LSAMP: variants seen among roughly 807,000 people sequenced by gnomAD.
The protein encoded by LSAMP is limbic system-associated membrane protein.
In LSAMP, 7 loss-of-function variants were observed where a neutral mutation model predicts 38.6. The observed-to-expected ratio is 0.18, with a 90% confidence interval of 0.10 to 0.34. The LOEUF is 0.34. Ranked by LOEUF, LSAMP falls within the 10% of genes least tolerant of loss-of-function variation. The pLI is 1.00. For missense variants in LSAMP, 313 were observed against 420.0 expected, an observed-to-expected ratio of 0.75 and a Z score of 2.23; for synonymous variants, 154 against 166.8, an observed-to-expected ratio of 0.92 and a Z score of 0.59.
chr3:116,037,295 A>G (rs1034153739), intron 2 of LSAMP, among the ~76,000 whole-genome samples: 1 of 152,142 alleles, frequency 6.6e-6, no homozygotes, highest in Admixed American at 6.6e-5. Context: ...TTTAAGGCCA[A>G]CCAGGGAGGA....
intron 3 of LSAMP, among the ~76,000 whole-genome samples, chr3:115,887,035 A>T (rs1936472488): frequency 6.6e-6 from 1 of 151,982 alleles, no homozygotes; most frequent in Non-Finnish European, 1.5e-5. Context: ...GCAATAATTA[A>T]CATACAAGGC....
intron 1 of LSAMP, among the ~76,000 whole-genome samples, chr3:116,113,420 A>ATTTTTTTTT (rs374608044): frequency 3.3e-4 from 17 of 51,028 alleles, no homozygotes; most frequent in African/African-American, 1.2e-3. Context: ...ATATATATAT[A>ATTTTTTTTT]TTTTTTTTTT....
intron 1 of LSAMP, among the ~76,000 whole-genome samples, chr3:116,249,372 A>T (rs1474816121): frequency 1.4e-5 from 2 of 139,388 alleles, no homozygotes; most frequent in Non-Finnish European, 3.1e-5. Context: ...AGCTTTGGAG[A>T]CTAGTAGAAG....
intron 1 of LSAMP, among the ~76,000 whole-genome samples, chr3:116,118,733 TATTA>T (rs774440886): frequency 3.9e-5 from 6 of 152,168 alleles, no homozygotes; most frequent in Non-Finnish European, 8.8e-5. Context: ...AGGAGGTAAA[TATTA>T]ATTGAGTCTG....
chr3:116,161,985 A>G (rs542182317), intron 1 of LSAMP, among the ~76,000 whole-genome samples: 1 of 152,080 alleles, frequency 6.6e-6, no homozygotes, highest in South Asian at 2.1e-4. Context: ...AGAGTACATA[A>G]TCATGTCAAA....
At chr3:116,410,872 G>A (rs966364264) in intron 1 of LSAMP, among the ~76,000 whole-genome samples, 2 of 152,054 alleles carry the variant, frequency 1.3e-5, no homozygotes, top group African/African-American at 4.8e-5. Flanking sequence ...TTTTCATAGG[G>A]TCTTCTTTTT....
At chr3:116,349,009 C>T (rs1372087215) in intron 1 of LSAMP, among the ~76,000 whole-genome samples, 4 of 152,076 alleles carry the variant, frequency 2.6e-5, no homozygotes, top group Non-Finnish European at 4.4e-5. Context: ...CTTAGCTTCT[C>T]GGCAGACCTG....
intron 2 of LSAMP, among the ~76,000 whole-genome samples, chr3:116,084,086 G>A (rs1377421456): frequency 6.6e-6 from 1 of 152,070 alleles, no homozygotes; most frequent in Non-Finnish European, 1.5e-5. Context: ...TAAGCCTACA[G>A]AAAGCCTTTG....
intron 1 of LSAMP, among the ~76,000 whole-genome samples, chr3:116,430,571 C>A (rs2049267106): frequency 6.6e-6 from 1 of 151,996 alleles, no homozygotes; most frequent in Admixed American, 6.6e-5. Flanking sequence ...AGAAGAGAAA[C>A]TTGACATTTA....
chr3:116,400,384 C>G (rs989733524), intron 1 of LSAMP, among the ~76,000 whole-genome samples: 1 of 151,430 alleles, frequency 6.6e-6, no homozygotes, highest in Non-Finnish European at 1.5e-5. Flanking sequence ...TTTTTTCTCT[C>G]TTTGTCTTTC....
chr3:115,828,448 TC>T (rs1188586758), intron 6 of LSAMP, among the ~76,000 whole-genome samples: 2 of 152,206 alleles, frequency 1.3e-5, no homozygotes, highest in Non-Finnish European at 2.9e-5. Flanking sequence ...AGGAAGGACT[TC>T]CTTCCTGTCT....
intron 1 of LSAMP, among the ~76,000 whole-genome samples, chr3:116,400,352 C>T (rs2048822137): frequency 6.6e-6 from 1 of 151,852 alleles, no homozygotes; most frequent in Non-Finnish European, 1.5e-5. Flanking sequence ...ATCTTTCTTT[C>T]CTCTTTCTTT....
chr3:115,928,990 T>TG (rs1553750013), intron 3 of LSAMP, among the ~76,000 whole-genome samples: 2 of 144,754 alleles, frequency 1.4e-5, no homozygotes, highest in African/African-American at 5.2e-5. Context: ...TTTTTTTTTT[T>TG]GCTTGTTTTA....
intron 1 of LSAMP, among the ~76,000 whole-genome samples, chr3:116,168,231 T>A (rs1426317186): frequency 6.6e-6 from 1 of 150,420 alleles, no homozygotes; most frequent in African/African-American, 2.4e-5. Flanking sequence ...ATTATTATTT[T>A]TTTTTTACTG....
chr3:115,818,763 A>C (rs1934114122), intron 6 of LSAMP, among the ~76,000 whole-genome samples: 1 of 108,354 alleles, frequency 9.2e-6, no homozygotes, highest in African/African-American at 3.1e-5. Context: ...TTATATATAT[A>C]TATAAGAAAG....
At chr3:115,907,685 T>A (rs1937041302) in intron 3 of LSAMP, among the ~76,000 whole-genome samples, 1 of 152,156 alleles carries the variant, frequency 6.6e-6, no homozygotes, top group African/African-American at 2.4e-5. Flanking sequence ...CAAAAAGTAG[T>A]TCTCAAATAA....
chr3:115,849,966 C>T (rs974393314), intron 4 of LSAMP, among the ~76,000 whole-genome samples: 3 of 152,182 alleles, frequency 2.0e-5, no homozygotes, highest in Non-Finnish European at 4.4e-5. Context: ...TACACATTTA[C>T]TGAGCAATTT....
In LSAMP at chr3:116,261,138, C is replaced by T. The variant is rs145735825; in HGVS notation, c.156-174582G>A. Among the ~76,000 whole-genome samples, 443 of 152,278 alleles carry T rather than the reference C, an allele frequency of 2.9e-3. 1 individual carries two copies. The highest frequency in any genetic ancestry group is 0.01 in the African/African-American group (422 of 41,552). ...GTTTACAACTTTCTGATATAGCACTCGTAGATAGTGATCATGCATATTCCT... is the reference window on the plus strand; with the variant it reads ...GTTTACAACTTTCTGATATAGCACTTGTAGATAGTGATCATGCATATTCCT... On this transcript the variant is annotated intron_variant, in intron 1 of 6. Coordinates refer to ENST00000490035, the MANE Select transcript of LSAMP (RefSeq NM_002338.5).
At chr3:115,881,703 A>G (rs993551338) in intron 3 of LSAMP, among the ~76,000 whole-genome samples, 18 of 152,170 alleles carry the variant, frequency 1.2e-4, no homozygotes, top group Admixed American at 1.2e-3. Context: ...AATAAGATTC[A>G]TTGCCATAAA....
Sources: gnomAD v4.1 joint callset for allele counts (sites outside exome capture counted in the v4.1 genomes callset) on GRCh38, gnomAD v4.1.1 for gene constraint, MANE v1.5 for transcripts, NCBI Gene and HGNC (gene_info 2026-07-23, HGNC 2026-07-21) for gene names.